STAT4: variants seen among roughly 807,000 people sequenced by gnomAD.
STAT4 encodes the protein signal transducer and activator of transcription 4.
A neutral mutation model predicts 110.5 loss-of-function variants in STAT4; 42 were observed. That is an observed-to-expected ratio of 0.38 (90% CI 0.30 to 0.49). The LOEUF (loss-of-function observed/expected upper bound fraction) is 0.49, where lower values mean the gene tolerates loss of function less well. STAT4 is among the 20% of genes least tolerant of loss of function. The pLI is 0.95. For synonymous variants in STAT4, 284 were observed against 302.2 expected (o/e 0.94, Z 0.63); for missense variants, 632 against 887.9 (o/e 0.71, Z 3.66).
Position 191,090,114 on chromosome 2 carries a change from T to C in STAT4, c.274-13789A>G, listed in dbSNP as rs1202853824. On this transcript the variant is annotated intron_variant, in intron 3 of 23. Coordinates refer to ENST00000392320, the MANE Select transcript of STAT4 (RefSeq NM_003151.4). This position sits in a 1 kb window ranked among gnomAD's most constrained non-coding sequence, Gnocchi z 4.2. Reference sequence around the variant, plus strand: ...AATTGTAACAAGTACATCACACTAATGTAAGATATAGGAGAAACTGGTGAG... The same window carrying C: ...AATTGTAACAAGTACATCACACTAACGTAAGATATAGGAGAAACTGGTGAG... Among the ~76,000 whole-genome samples, 1 of 152,062 alleles carries C rather than the reference T, an allele frequency of 6.6e-6. No individual in the cohort carries two copies. Among genetic ancestry groups the C allele is most frequent in the African/African-American group, 2.4e-5 (1 of 41,422 alleles).
intron 3 of STAT4, among the ~76,000 whole-genome samples, chr2:191,128,256 C>G (rs995440546): frequency 5.3e-5 from 8 of 152,146 alleles, no homozygotes; most frequent in Non-Finnish European, 1.0e-4. Context: ...GAATATTGAT[C>G]CCTCAATTGA....
rs987720714 is a variant in STAT4, at chr2:191,144,665, C to G, written c.273+1948G>C. Reference sequence around the variant, plus strand: ...GTTTAACAAGGTTCGTCTGATACAACTGGCCAGAGGAGAAGCTTCCCTCAC... The same window carrying G: ...GTTTAACAAGGTTCGTCTGATACAAGTGGCCAGAGGAGAAGCTTCCCTCAC... On this transcript the variant is annotated intron_variant, in intron 3 of 23. Transcript: ENST00000392320. This position sits in a 1 kb window ranked among gnomAD's most constrained non-coding sequence, Gnocchi z 4.7. Among the ~76,000 whole-genome samples the G allele has an allele frequency of 6.7e-6, 1 of 150,060 alleles. No homozygotes were observed. The highest frequency in any genetic ancestry group is 1.5e-5 in the Non-Finnish European group (1 of 67,842).
At chr2:191,049,390 A>G (rs954431446) in intron 14 of STAT4, among the ~76,000 whole-genome samples, 3 of 152,044 alleles carry the variant, frequency 2.0e-5, no homozygotes, top group Non-Finnish European at 4.4e-5. Flanking sequence ...GTTAGCCAGG[A>G]TGGTCTCACT....
At chr2:191,067,792 C>CT (rs950910956) in intron 6 of STAT4, among the ~76,000 whole-genome samples, 2 of 152,126 alleles carry the variant, frequency 1.3e-5, no homozygotes, top group Non-Finnish European at 2.9e-5. Flanking sequence ...AGAAGATTCC[C>CT]TTTTTGCTCC....
At chr2:191,068,691 T>C (rs1233166350) in intron 6 of STAT4, 6 of 152,150 alleles carry the variant, frequency 3.9e-5, no homozygotes. Context: ...AGAGTTCTCA[T>C]ATATCCTTCA....
At chr2:191,130,815 G>C (rs1699015459) in intron 3 of STAT4, among the ~76,000 whole-genome samples, 1 of 151,572 alleles carries the variant, frequency 6.6e-6, no homozygotes, top group Admixed American at 6.6e-5. Context: ...TAGTGGAATG[G>C]TTTTTTAATT....
intron 14 of STAT4, among the ~76,000 whole-genome samples, chr2:191,048,155 G>A (rs1000551341): frequency 1.1e-4 from 16 of 152,120 alleles, no homozygotes; most frequent in African/African-American, 2.9e-4. Flanking sequence ...AAGACTTTAC[G>A]CTTTATATAA....
At position 191,073,301 on chromosome 2, in the gene STAT4, T is replaced by C. The variant is rs1047605276; in HGVS notation, c.373-111A>G. On this transcript the variant is annotated intron_variant, in intron 4 of 23. Transcript: ENST00000392320. Reference sequence around the variant, plus strand: ...GTCTGGATCAATGTGATATGGATACTCTATAGTCATTAAAAAATCATGCTG... The same window carrying C: ...GTCTGGATCAATGTGATATGGATACCCTATAGTCATTAAAAAATCATGCTG... 4.0e-6 allele frequency: 3 copies of C among 754,782 alleles called. No individual in the cohort carries two copies. In the African/African-American group the frequency reaches 5.3e-5, roughly 13 times the overall value. 46.8% of individuals were successfully genotyped at this position (754,782 alleles called of 1,614,324 possible). A position where few individuals can be genotyped will look rare whatever the true frequency, so the allele number is the denominator to read the frequency against.
intron 3 of STAT4, among the ~76,000 whole-genome samples, chr2:191,095,274 C>A (rs576126780): frequency 6.6e-6 from 1 of 152,314 alleles, no homozygotes; most frequent in South Asian, 2.1e-4. Flanking sequence ...TAACAGACAT[C>A]TACAGAACTC....
chr2:191,034,313 A>C (rs1030241235), intron 18 of STAT4, among the ~76,000 whole-genome samples: 24 of 151,648 alleles, frequency 1.6e-4, no homozygotes, highest in African/African-American at 4.4e-4. Context: ...GTCCCAGCTA[A>C]TCAGGAGGCT....
intron 3 of STAT4, among the ~76,000 whole-genome samples, chr2:191,123,081 C>T (rs531827360): frequency 6.6e-6 from 1 of 152,340 alleles, no homozygotes; most frequent in South Asian, 2.1e-4. Flanking sequence ...TCAGTCTACA[C>T]CTCTTTCAGT....
chr2:191,118,759 T>C (rs1698637778), intron 3 of STAT4, among the ~76,000 whole-genome samples: 1 of 152,110 alleles, frequency 6.6e-6, no homozygotes, highest in South Asian at 2.1e-4. Context: ...TAAACTTGGA[T>C]TGTTATGATC....
At chr2:191,074,978 T>C (rs1449622661) in intron 4 of STAT4, among the ~76,000 whole-genome samples, 2 of 152,060 alleles carry the variant, frequency 1.3e-5, no homozygotes, top group African/African-American at 2.4e-5. Flanking sequence ...CTGGGCAATG[T>C]AGTGAAATCT....
At chr2:191,108,314 A>T (rs1375195597) in intron 3 of STAT4, among the ~76,000 whole-genome samples, 1 of 152,076 alleles carries the variant, frequency 6.6e-6, no homozygotes, top group East Asian at 1.9e-4. Context: ...AGACGTTATC[A>T]TTGTTTACCT....
intron 3 of STAT4, among the ~76,000 whole-genome samples, chr2:191,093,074 T>C (rs909653475): frequency 6.6e-6 from 1 of 152,096 alleles, no homozygotes; most frequent in African/African-American, 2.4e-5. Flanking sequence ...CCACAACAGA[T>C]CTGCAAGGCC....
At chr2:191,109,318 T>A (rs1356243319) in intron 3 of STAT4, among the ~76,000 whole-genome samples, 4 of 152,000 alleles carry the variant, frequency 2.6e-5, no homozygotes, top group Non-Finnish European at 5.9e-5. Flanking sequence ...GTTTTTTTTT[T>A]AAAGACAAGT....
chr2:191,133,348 T>C (rs1161700942), intron 3 of STAT4, among the ~76,000 whole-genome samples: 1 of 151,164 alleles, frequency 6.6e-6, no homozygotes, highest in Non-Finnish European at 1.5e-5. Context: ...TTTATGAAGA[T>C]GGTCTTCTAA....
In STAT4 at chr2:191,073,106, T is replaced by C; in HGVS notation, c.457A>G (p.Ser153Gly). The C allele has an allele frequency of 6.2e-7, 1 of 1,613,990 alleles. No individual in the cohort carries two copies. The highest frequency in any genetic ancestry group is 8.5e-7 in the Non-Finnish European group (1 of 1,179,868). Residue 153 changes from serine (S) to glycine (G), a missense_variant, in exon 5 of 24, where the codon AGT becomes GGT. By Grantham distance (56) the Ser-to-Gly change is moderately conservative. Coordinates refer to ENST00000392320, the MANE Select transcript of STAT4 (RefSeq NM_003151.4). ...VEHKVAAIKN[S>G]VQMTEQDTKY... is the part of the protein sequence containing the mutation. Reference sequence around the variant, plus strand: ...TGTATAAAAGCACTTACCTGCACACTGTTTTTAATGGCAGCCACTTTGTGC... The same window carrying C: ...TGTATAAAAGCACTTACCTGCACACCGTTTTTAATGGCAGCCACTTTGTGC...
At chr2:191,106,260 GC>G (rs1247757996) in intron 3 of STAT4, among the ~76,000 whole-genome samples, 2 of 151,886 alleles carry the variant, frequency 1.3e-5, no homozygotes, top group Admixed American at 1.3e-4. Flanking sequence ...GGCTTTTTTG[GC>G]AAATAAATCA....
Sources: gnomAD v4.1 joint callset for allele counts (sites outside exome capture counted in the v4.1 genomes callset) on GRCh38, gnomAD v4.1.1 for gene constraint, Gnocchi (gnomAD v3.1) non-coding constraint, MANE v1.5 for transcripts, NCBI Gene and HGNC (gene_info 2026-07-23, HGNC 2026-07-21) for gene names.